EYA2: variants seen among roughly 807,000 people sequenced by gnomAD.
The protein encoded by EYA2 is protein phosphatase EYA2.
Under a neutral mutation model 69.2 loss-of-function variants are expected in EYA2, and 31 were observed. That is an observed-to-expected ratio of 0.45 (90% CI 0.34 to 0.60). The LOEUF (loss-of-function observed/expected upper bound fraction) is 0.60. Among genes scored for constraint, EYA2 ranks in the 20% least tolerant of loss-of-function variants. The probability of loss-of-function intolerance (pLI) is 0.02; values close to 1 mark genes in which losing one functional copy is unlikely to be tolerated. For missense variants in EYA2, 622 were observed against 701.2 expected (o/e 0.89, Z 1.28); for synonymous variants, 257 against 279.4 (o/e 0.92, Z 0.80).
At chr20:46,996,746 G>T (rs1435576114) in intron 2 of EYA2, among the ~76,000 whole-genome samples, 1 of 152,108 alleles carries the variant, frequency 6.6e-6, no homozygotes, top group African/African-American at 2.4e-5. Flanking sequence ...GATTTAATTG[G>T]CTTACAGTTC....
intron 9 of EYA2, among the ~76,000 whole-genome samples, chr20:47,101,323 G>C (rs1434574148): frequency 1.3e-5 from 2 of 152,182 alleles, no homozygotes; most frequent in Admixed American, 1.3e-4. Context: ...TTGGGCTCAA[G>C]TGATTCTCCC....
intron 1 of EYA2, among the ~76,000 whole-genome samples, chr20:46,930,814 C>T (rs1020476318): frequency 4.6e-5 from 7 of 152,188 alleles, no homozygotes; most frequent in African/African-American, 1.7e-4. Flanking sequence ...TGACTCTGTG[C>T]CAGGCACTGT....
At chr20:46,978,889 C>T (rs750813843) in intron 1 of EYA2, among the ~76,000 whole-genome samples, 4 of 152,138 alleles carry the variant, frequency 2.6e-5, no homozygotes, top group African/African-American at 7.2e-5. Context: ...CAACTGCCCC[C>T]GAAATGGGGG....
chr20:47,049,745 C>T (rs1408340835), intron 5 of EYA2, among the ~76,000 whole-genome samples: 2 of 152,126 alleles, frequency 1.3e-5, no homozygotes, highest in Non-Finnish European at 2.9e-5. Flanking sequence ...AACCTCTTTG[C>T]TTTAAAAATT....
At chr20:46,977,341 A>G (rs1168219821) in intron 1 of EYA2, among the ~76,000 whole-genome samples, 1 of 152,262 alleles carries the variant, frequency 6.6e-6, no homozygotes, top group Non-Finnish European at 1.5e-5. Context: ...AAAAAGGGCC[A>G]TGCAGTTCTT....
intron 9 of EYA2, among the ~76,000 whole-genome samples, chr20:47,120,415 A>G (rs2033015013): frequency 6.6e-6 from 1 of 152,162 alleles, no homozygotes; most frequent in African/African-American, 2.4e-5. Context: ...GATTTTACCT[A>G]AATTTTTTAA....
At chr20:47,105,624 C>CAA (rs3085517) in intron 9 of EYA2, among the ~76,000 whole-genome samples, 40,473 of 131,002 alleles carry the variant, frequency 0.31, 7,235 homozygotes, top group East Asian at 0.42. Context: ...GACTCTGTCC[C>CAA]AAAAAAAAAA....
At chr20:47,172,893 C>T (rs371077868) in intron 12 of EYA2, 26 bp downstream of exon 12, 16 of 1,584,864 alleles carry the variant, frequency 1.0e-5, no homozygotes, top group Middle Eastern at 1.7e-4. Flanking sequence ...CTTGGGCCTC[C>T]GAGGAAGGGA....
At chr20:47,123,599 C>A (rs1446249852) in intron 9 of EYA2, among the ~76,000 whole-genome samples, 3 of 152,144 alleles carry the variant, frequency 2.0e-5, no homozygotes, top group Non-Finnish European at 2.9e-5. Flanking sequence ...ATATTGCAAA[C>A]CATACATAAT....
intron 1 of EYA2, among the ~76,000 whole-genome samples, chr20:46,980,970 A>G (rs553531841): frequency 6.6e-6 from 1 of 152,200 alleles, no homozygotes; most frequent in Non-Finnish European, 1.5e-5. Flanking sequence ...ATTCTAGTGT[A>G]TATGCATACC....
intron 9 of EYA2, among the ~76,000 whole-genome samples, chr20:47,101,300 T>G (rs983826527): frequency 6.6e-6 from 1 of 152,196 alleles, no homozygotes; most frequent in Non-Finnish European, 1.5e-5. Flanking sequence ...TTGCCCAGGC[T>G]GGTCTCGAAC....
chr20:46,987,964 C>CTATATATATATATA (rs71183225), intron 1 of EYA2, among the ~76,000 whole-genome samples: 28 of 11,256 alleles, frequency 2.5e-3, no homozygotes, highest in South Asian at 4.8e-3. Flanking sequence ...CTCTCTCTCT[C>CTATATATATATATA]TATATATATA....
chr20:47,074,218 T>C lies in EYA2; in HGVS notation c.544T>C (p.Tyr182His). 1 of 1,614,118 alleles carries C rather than the reference T, an allele frequency of 6.2e-7. No homozygotes were observed. Among genetic ancestry groups the C allele is most frequent in the Non-Finnish European group, 8.5e-7 (1 of 1,180,006 alleles). The change falls in exon 7 of 16, where the codon TAC becomes CAC. Residue 182 changes from tyrosine to histidine, a missense_variant. Tyr to His is a moderately conservative substitution (Grantham distance 83). Transcript: ENST00000327619. ...SQYPQYYGSS[Y>H]NPPYVPASSI... ...GTACCCCCAGTATTACGGCTCATCC[T>C]ACAACCCTCCCTACGTCCCGGCCAG...
At chr20:47,029,192 G>A (rs558429561) in intron 5 of EYA2, among the ~76,000 whole-genome samples, 9 of 152,330 alleles carry the variant, frequency 5.9e-5, no homozygotes, top group Admixed American at 3.9e-4. Context: ...AGGACAGGGT[G>A]TAAGAAGGCA....
At chr20:47,012,107 T>C (rs1484262434) in intron 4 of EYA2, among the ~76,000 whole-genome samples, 1 of 152,252 alleles carries the variant, frequency 6.6e-6, no homozygotes, top group Non-Finnish European at 1.5e-5. Context: ...TTGCAGGTGC[T>C]GAGCTAATAG....
In EYA2 at chr20:47,026,343, T is replaced by C. The variant is rs866124522; in HGVS notation, c.415+10046T>C. ...ACTAGAACGAGAATAAGCACAATTT[T>C]TTATAACCTTGGAGTGGAAAAGGCT... is the stretch of plus-strand genomic sequence containing the variant. On this transcript the variant is annotated intron_variant, in intron 5 of 15. Transcript: ENST00000327619. Among the ~76,000 whole-genome samples, 7 of 152,342 alleles carry C rather than the reference T, an allele frequency of 4.6e-5. No individual in the cohort carries two copies. In the Middle Eastern group the frequency reaches 0.024, roughly 518 times the overall value.
chr20:46,960,556 G>A (rs531636647), intron 1 of EYA2, among the ~76,000 whole-genome samples: 2 of 152,234 alleles, frequency 1.3e-5, no homozygotes, highest in African/African-American at 4.8e-5. Context: ...TCGTGTGGCT[G>A]GGCTCCCGTC....
chr20:47,117,396 T>G, intron 9 of EYA2: 2 of 985,450 alleles, frequency 2.0e-6, no homozygotes, highest in Non-Finnish European at 2.4e-6. Context: ...CACCTGGTGT[T>G]GGCTTTTCTT....
chr20:47,097,868 G>A (rs1302635188), intron 9 of EYA2, among the ~76,000 whole-genome samples: 1 of 152,188 alleles, frequency 6.6e-6, no homozygotes, highest in African/African-American at 2.4e-5. Context: ...TCAGGGGCAC[G>A]CATGGGGTGG....
Sources: gnomAD v4.1 joint callset for allele counts (sites outside exome capture counted in the v4.1 genomes callset) on GRCh38, gnomAD v4.1.1 for gene constraint, MANE v1.5 for transcripts, NCBI Gene and HGNC (gene_info 2026-07-23, HGNC 2026-07-21) for gene names.